The following GSG1L variants were observed in gnomAD, a reference collection of about 807,000 sequenced individuals.
GSG1L encodes the protein GSG1 like.
Under a neutral mutation model 42.1 loss-of-function variants are expected in GSG1L, and 24 were observed. That is an observed-to-expected ratio of 0.57 (90% CI 0.41 to 0.80). GSG1L has a LOEUF of 0.80. Among genes scored for constraint, GSG1L ranks in the 30% least tolerant of loss-of-function variants. The probability of loss-of-function intolerance (pLI) is 0.00; values close to 1 mark genes in which losing one functional copy is unlikely to be tolerated. For missense variants in GSG1L, 445 were observed against 472.2 expected, an observed-to-expected ratio of 0.94 and a Z score of 0.53; for synonymous variants, 215 against 203.5, an observed-to-expected ratio of 1.06 and a Z score of -0.48.
At chr16:27,876,659 GGCA>G (rs1567499853) in intron 3 of GSG1L, among the ~76,000 whole-genome samples, 1 of 152,166 alleles carries the variant, frequency 6.6e-6, no homozygotes, top group Non-Finnish European at 1.5e-5. Flanking sequence ...TGTGAGTATA[GGCA>G]ATGGAGTGAA....
At chr16:27,813,381 A>G (rs867605664) in intron 5 of GSG1L, among the ~76,000 whole-genome samples, 1 of 152,134 alleles carries the variant, frequency 6.6e-6, no homozygotes, top group African/African-American at 2.4e-5. Context: ...GGCTCCATCC[A>G]TGTTGCTGCA....
chr16:28,048,070 A>C (rs1011174029), intron 1 of GSG1L, among the ~76,000 whole-genome samples: 1 of 151,756 alleles, frequency 6.6e-6, no homozygotes, highest in Non-Finnish European at 1.5e-5. Flanking sequence ...AAAAAAAAAA[A>C]AAATTTTAAT....
chr16:27,990,624 C>A (rs1246797308), intron 1 of GSG1L, among the ~76,000 whole-genome samples: 2 of 152,146 alleles, frequency 1.3e-5, no homozygotes, highest in African/African-American at 2.4e-5. Flanking sequence ...GGTCCAGGAA[C>A]CTCAAGATAT....
chr16:27,867,082 A>G (rs1596568148), intron 3 of GSG1L, among the ~76,000 whole-genome samples: 1 of 152,132 alleles, frequency 6.6e-6, no homozygotes, highest in Non-Finnish European at 1.5e-5. Context: ...CATTCCTTCA[A>G]CAAGTATTTA....
chr16:28,053,432 T>C (rs982976669), intron 1 of GSG1L, among the ~76,000 whole-genome samples: 4 of 152,166 alleles, frequency 2.6e-5, no homozygotes, highest in South Asian at 2.1e-4. Flanking sequence ...CTCCAAACAC[T>C]GCACCCACCC....
At chr16:27,863,505 T>C (rs193000400) in intron 3 of GSG1L, 3 of 152,192 alleles carry the variant, frequency 2.0e-5, no homozygotes, top group Admixed American at 2.0e-4. Context: ...GATCTTGCTG[T>C]TTTTATTTCT....
At chr16:28,019,697 C>CACTGT (rs1225839050) in intron 1 of GSG1L, among the ~76,000 whole-genome samples, 3 of 152,216 alleles carry the variant, frequency 2.0e-5, no homozygotes, top group Non-Finnish European at 2.9e-5. Context: ...GCTCAAGCAT[C>CACTGT]AATCGTCCAA....
At chr16:27,993,718 G>A (rs2085479732) in intron 1 of GSG1L, among the ~76,000 whole-genome samples, 1 of 152,148 alleles carries the variant, frequency 6.6e-6, no homozygotes, top group Admixed American at 6.6e-5. Context: ...CAGCTTGCAG[G>A]CACAGATAAG....
rs529523532 is a variant in GSG1L, at chr16:27,837,562, C to G, written c.662+7388G>C. On this transcript the variant is annotated intron_variant, in intron 4 of 6. Coordinates refer to ENST00000447459, the MANE Select transcript of GSG1L (RefSeq NM_001109763.2). ...CATGGGGAGGGAGATGTTCTTATTA[C>G]TACAAGGCAGTGGCAAAAATCCTGA... Among the ~76,000 whole-genome samples, 4 of 152,350 alleles carry G rather than the reference C, an allele frequency of 2.6e-5. No individual in the cohort carries two copies. In the East Asian group the frequency reaches 7.7e-4, roughly 29 times the overall value.
chr16:28,006,323 A>ATTTATTTATTTG (rs1428007798), intron 1 of GSG1L, among the ~76,000 whole-genome samples: 8 of 146,226 alleles, frequency 5.5e-5, no homozygotes, highest in African/African-American at 2.0e-4. Flanking sequence ...TTATTTATTT[A>ATTTATTTATTTG]TTTAAGACAG....
chr16:27,902,144 C>T (rs1043798884), intron 2 of GSG1L, among the ~76,000 whole-genome samples: 1 of 152,228 alleles, frequency 6.6e-6, no homozygotes, highest in African/African-American at 2.4e-5. Context: ...CTGTCCAGCA[C>T]CCGCTCCGGG....
At chr16:27,854,809 C>G (rs1422926755) in intron 3 of GSG1L, among the ~76,000 whole-genome samples, 1 of 152,156 alleles carries the variant, frequency 6.6e-6, no homozygotes, top group Non-Finnish European at 1.5e-5. Flanking sequence ...GGGCCTCTCA[C>G]CTGAAGGATG....
chr16:27,861,252 C>CT (rs2083647449), intron 3 of GSG1L, among the ~76,000 whole-genome samples: 1 of 152,002 alleles, frequency 6.6e-6, no homozygotes, highest in Non-Finnish European at 1.5e-5. Flanking sequence ...TGGTGTGCAC[C>CT]TGTAATCGCA....
intron 3 of GSG1L, among the ~76,000 whole-genome samples, chr16:27,849,777 C>A (rs967174027): frequency 3.3e-5 from 5 of 152,032 alleles, no homozygotes; most frequent in African/African-American, 7.2e-5. Flanking sequence ...TCAAGTGATC[C>A]TCCAGCCCAA....
In GSG1L at chr16:27,906,886, C is replaced by T. The variant is rs150924962; in HGVS notation, c.398-22248G>A. Among the ~76,000 whole-genome samples, 555 of 152,252 alleles carry T rather than the reference C, an allele frequency of 3.6e-3. 8 individuals are homozygous for T. Among genetic ancestry groups the T allele is most frequent in the African/African-American group, 0.013 (531 of 41,562 alleles). On this transcript the variant is annotated intron_variant, in intron 2 of 6. Coordinates refer to ENST00000447459, the MANE Select transcript of GSG1L (RefSeq NM_001109763.2). ...CTCCCGAGACCCCGATGGGTATGGACACCCTGTCTCACCACCTCCACTGCC... is the reference window on the plus strand; with the variant it reads ...CTCCCGAGACCCCGATGGGTATGGATACCCTGTCTCACCACCTCCACTGCC...
chr16:28,023,484 G>A (rs1019991429), intron 1 of GSG1L, among the ~76,000 whole-genome samples: 14 of 152,180 alleles, frequency 9.2e-5, no homozygotes, highest in South Asian at 4.1e-4. Flanking sequence ...AAATTGCTGG[G>A]GCAAGGGGTA....
At chr16:27,942,815 G>T (rs2084816324) in intron 2 of GSG1L, among the ~76,000 whole-genome samples, 1 of 152,114 alleles carries the variant, frequency 6.6e-6, no homozygotes, top group Non-Finnish European at 1.5e-5. Context: ...CCACTAGTGG[G>T]GGTGTAAACT....
At chr16:27,919,718 G>C (rs2084502688) in intron 2 of GSG1L, among the ~76,000 whole-genome samples, 1 of 152,202 alleles carries the variant, frequency 6.6e-6, no homozygotes, top group South Asian at 2.1e-4. Context: ...GAGTGATGGA[G>C]ACATGGGTGC....
Position 28,025,313 on chromosome 16 carries a change from G to A in GSG1L, c.349+37763C>T, listed in dbSNP as rs113660149. ...CAGCAGCTAGGGCCAGGAGGCTCGG[G>A]GAGCCTTAAATCTCCCCAGATGGCA... On this transcript the variant is annotated intron_variant, in intron 1 of 6. Transcript: ENST00000447459. Among the ~76,000 whole-genome samples the A allele has an allele frequency of 4.6e-3, 704 of 152,260 alleles. 9 individuals are homozygous for A. Among genetic ancestry groups the A allele is most frequent in the African/African-American group, 0.016 (656 of 41,542 alleles).
Sources: gnomAD v4.1 joint callset for allele counts (sites outside exome capture counted in the v4.1 genomes callset) on GRCh38, gnomAD v4.1.1 for gene constraint, MANE v1.5 for transcripts, NCBI Gene and HGNC (gene_info 2026-07-23, HGNC 2026-07-21) for gene names.